The following EI24 variants were observed in gnomAD, a reference collection of about 807,000 sequenced individuals.
EI24 encodes the protein EI24 autophagy associated transmembrane protein.
In EI24, 21 loss-of-function variants were observed where a neutral mutation model predicts 48.6. The ratio of observed to expected loss-of-function variants is 0.43; its 90% CI spans 0.31 to 0.62. The LOEUF is 0.62. EI24 is among the 20% of genes least tolerant of loss of function. The probability of loss-of-function intolerance (pLI) is 0.10; values close to 1 mark genes in which losing one functional copy is unlikely to be tolerated. For missense variants in EI24, 280 were observed against 410.5 expected (o/e 0.68, Z 2.75); for synonymous variants, 114 against 145.5 (o/e 0.78, Z 1.56).
chr11:125,582,321 ATTTC>A (rs748139157), intron 9 of EI24, 21 bp from the exon 10 acceptor site: 3 of 1,377,690 alleles, frequency 2.2e-6, no homozygotes, highest in Non-Finnish European at 3.0e-6. Context: ...GTGACTAATT[ATTTC>A]TTTTTTTTTT....
At chr11:125,581,369 T>A (rs748036023) in intron 9 of EI24, 47 bp downstream of exon 9, 1 of 1,315,832 alleles carries the variant, frequency 7.6e-7, no homozygotes, top group South Asian at 1.2e-5. Context: ...AAATAAAAAT[T>A]CATGAAGTCA....
In EI24 at chr11:125,584,552, A is replaced by C. The variant is rs1018957584; in HGVS notation, c.*869A>C. 1 of 152,612 alleles carries C rather than the reference A, an allele frequency of 6.6e-6. No homozygotes were observed. The highest frequency in any genetic ancestry group is 6.5e-5 in the Admixed American group (1 of 15,272). The allele number at this position is 152,612 out of a possible 1,614,324, so 9.5% of individuals were successfully genotyped here. On this transcript the variant is annotated 3_prime_UTR_variant, in exon 11 of 11. Transcript: ENST00000278903. ...TATTGGGTGCTGCATATAGGAACTG[A>C]AGGGGTCAATGTATTAAACCTGTGA...
At position 125,581,293 on chromosome 11, in the gene EI24, C is replaced by T; in HGVS notation, c.756C>T (p.Leu252=). Residue 252 remains leucine (L), a synonymous_variant, in exon 9 of 11, where the codon CTC becomes CTT. Coordinates refer to ENST00000278903, the MANE Select transcript of EI24 (RefSeq NM_004879.5). The part of the protein sequence containing the change: ...YFGFGLPLAF[L]TAMQSSYIIS... ...GGTTTGGTTTGCCCTTGGCTTTTCTCACAGCAATGCAGTCCTCATATATTA... is the reference window on the plus strand; with the variant it reads ...GGTTTGGTTTGCCCTTGGCTTTTCTTACAGCAATGCAGTCCTCATATATTA... 1.2e-6 allele frequency: 2 copies of T among 1,609,338 alleles called. No individual in the cohort carries two copies. Among genetic ancestry groups the T allele is most frequent in the Non-Finnish European group, 1.7e-6 (2 of 1,177,034 alleles).
chr11:125,576,658 G>C (rs1451612029), intron 4 of EI24, among the ~76,000 whole-genome samples: 3 of 152,230 alleles, frequency 2.0e-5, no homozygotes, highest in Admixed American at 6.5e-5. Context: ...GATACGGCTA[G>C]ACAAGAACAA....
Position 125,575,285 on chromosome 11 carries a change from GTATTTGTACCATC to G in EI24, c.67_79del (p.Ile23GlnfsTer3). 1.3e-6 allele frequency: 2 copies of G among 1,551,004 alleles called. No homozygotes were observed. Among genetic ancestry groups the G allele is most frequent in the Non-Finnish European group, 1.7e-6 (2 of 1,146,736 alleles). On this transcript the variant is annotated frameshift_variant, in exon 3 of 11. Transcript: ENST00000278903. LOFTEE classifies it high-confidence loss of function. ...TAGGGAATCAAAGACTCCATCTGGG[GTATTTGTACCATC>G]TCAAAGCTAGATGCTCGAATCCAGC...
chr11:125,578,480 CTTTTTTTTTTTTTT>C (rs370986926), intron 6 of EI24, among the ~76,000 whole-genome samples: 6 of 84,690 alleles, frequency 7.1e-5, no homozygotes, highest in African/African-American at 2.9e-4. Context: ...TTCGTTTTGG[CTTTTTTTTTTTTTT>C]TTTTTTTTTT....
chr11:125,575,876 C>T, intron 3 of EI24: 1 of 407,818 alleles, frequency 2.5e-6, no homozygotes, highest in Non-Finnish European at 5.0e-6. Context: ...GCAGCCTCTG[C>T]CTCCCAGGTC....
chr11:125,575,300 C>G lies in EI24; in HGVS notation c.80C>G (p.Ser27Ter). The G allele has an allele frequency of 1.9e-6, 3 of 1,555,170 alleles. No homozygotes were observed. Among genetic ancestry groups the G allele is most frequent in the Non-Finnish European group, 2.6e-6 (3 of 1,149,112 alleles). The change falls in exon 3 of 11, where the codon TCA (serine) becomes TGA (stop). Residue 27 changes from serine (S) to a stop codon, truncating the protein, a stop_gained. Coordinates refer to ENST00000278903, the MANE Select transcript of EI24 (RefSeq NM_004879.5). LOFTEE classifies it high-confidence loss of function. ...KDSIWGICTI[S>*]KLDARIQQKR... is the part of the protein sequence containing the mutation. ...TCCATCTGGGGTATTTGTACCATCT[C>G]AAAGCTAGATGCTCGAATCCAGCAA...
At chr11:125,579,391 C>T (rs927045652) in intron 7 of EI24, among the ~76,000 whole-genome samples, 4 of 149,748 alleles carry the variant, frequency 2.7e-5, no homozygotes, top group African/African-American at 4.9e-5. Flanking sequence ...GTCGGCTGGG[C>T]GCAGTAGTTC....
intron 2 of EI24, among the ~76,000 whole-genome samples, chr11:125,573,023 A>T (rs1938587709): frequency 6.6e-6 from 1 of 152,068 alleles, no homozygotes; most frequent in African/African-American, 2.4e-5. Context: ...TTCAGATTTA[A>T]ATTAGAGAAC....
rs1938441857 is a variant in EI24 at position 125,569,477 on chromosome 11, A to T, written c.-167A>T. 2.6e-6 allele frequency: 1 copy of T among 382,772 alleles called. No homozygotes were observed. Among genetic ancestry groups the T allele is most frequent in the South Asian group, 1.3e-4 (1 of 7,664 alleles). The allele number at this position is 382,772 out of a possible 1,614,324, so 23.7% of individuals were successfully genotyped here. A position where few individuals can be genotyped will look rare whatever the true frequency, so the allele number is the denominator to read the frequency against. On this transcript the variant is annotated 5_prime_UTR_variant, in exon 1 of 11. Coordinates refer to ENST00000278903, the MANE Select transcript of EI24 (RefSeq NM_004879.5). ...GGCCCCGTGCGGCCCGGGCATGCCC[A>T]GTGCGGGCGCAGCGGCCCCGGCCCT...
At chr11:125,578,297 G>A (rs1187994328) in intron 6 of EI24, 40 bp downstream of exon 6, 1 of 1,612,374 alleles carries the variant, frequency 6.2e-7, no homozygotes, top group Admixed American at 1.7e-5. Flanking sequence ...CCCGCAGCAT[G>A]ATTGGCTGAC....
At chr11:125,571,985 A>C (rs1938552845) in intron 1 of EI24, among the ~76,000 whole-genome samples, 1 of 152,244 alleles carries the variant, frequency 6.6e-6, no homozygotes, top group African/African-American at 2.4e-5. Flanking sequence ...TGAAGCATGT[A>C]TTTAGTAATT....
chr11:125,577,992 T>G, intron 5 of EI24, 141 bp from the exon 6 acceptor site: 1 of 934,520 alleles, frequency 1.1e-6, no homozygotes, highest in Non-Finnish European at 1.6e-6. Flanking sequence ...GTTAGACTCT[T>G]TGAGATAGGT....
intron 2 of EI24, among the ~76,000 whole-genome samples, chr11:125,574,456 C>CA (rs1183246473): frequency 2.6e-5 from 4 of 152,020 alleles, no homozygotes; most frequent in African/African-American, 9.7e-5. Flanking sequence ...ATTACTCAGA[C>CA]AAAAAAAGAT....
At chr11:125,571,746 C>T (rs970300022) in intron 1 of EI24, among the ~76,000 whole-genome samples, 2 of 151,956 alleles carry the variant, frequency 1.3e-5, no homozygotes, top group African/African-American at 2.4e-5. Context: ...GGCGTGGTGG[C>T]GGGTTCCTGT....
intron 7 of EI24, 140 bp downstream of exon 7, chr11:125,579,208 CT>C (rs1351176794): frequency 9.9e-6 from 7 of 710,462 alleles, no homozygotes; most frequent in East Asian, 3.4e-5. Flanking sequence ...ATTTTTAAAT[CT>C]TTTTTTCCCC....
chr11:125,574,053 C>T (rs1424536065), intron 2 of EI24, among the ~76,000 whole-genome samples: 1 of 151,950 alleles, frequency 6.6e-6, no homozygotes, highest in African/African-American at 2.4e-5. Context: ...TCAACCCTCC[C>T]AGCCTGGCTA....
At position 125,578,719 on chromosome 11, in the gene EI24, G is replaced by A. The variant is rs551429258; in HGVS notation, c.442-230G>A. Reference sequence around the variant, plus strand: ...CCTGACCTGCTGATCTGCCTGCCTCGGCCTCCCAAAGTGCTGGGATTATAG... The same window carrying A: ...CCTGACCTGCTGATCTGCCTGCCTCAGCCTCCCAAAGTGCTGGGATTATAG... On this transcript the variant is annotated intron_variant, in intron 6 of 10. Transcript: ENST00000278903. 7.9e-5 allele frequency among the ~76,000 whole-genome samples: 12 copies of A among 151,922 alleles called. No individual in the cohort carries two copies. The highest frequency in any genetic ancestry group is 2.1e-4 in the South Asian group (1 of 4,816).
Sources: allele counts gnomAD v4.1 joint callset (sites outside exome capture counted in the v4.1 genomes callset), GRCh38; gene constraint gnomAD v4.1.1; transcripts MANE v1.5; gene names NCBI Gene and HGNC (gene_info 2026-07-23, HGNC 2026-07-21).